Variants in MMD2 observed in about 807,000 individuals in gnomAD.
MMD2 encodes the protein monocyte to macrophage differentiation factor 2.
MMD2 carries 30 observed loss-of-function variants against 33.5 expected under a neutral mutation model. The observed-to-expected ratio is 0.90, with a 90% CI of 0.67 to 1.22. The LOEUF (loss-of-function observed/expected upper bound fraction) is 1.22, where lower values mean the gene tolerates loss of function less well. Among genes scored for constraint, MMD2 ranks in the 50% most tolerant of loss-of-function variants. MMD2 has a pLI of 0.00. For synonymous variants in MMD2, 129 were observed against 123.0 expected, an observed-to-expected ratio of 1.05 and a Z score of -0.32; for missense variants, 364 against 325.4, an observed-to-expected ratio of 1.12 and a Z score of -0.91.
intron 1 of MMD2, among the ~76,000 whole-genome samples, chr7:4,943,665 A>T (rs1785974575): frequency 6.6e-6 from 1 of 152,158 alleles, no homozygotes; most frequent in African/African-American, 2.4e-5. Flanking sequence ...TGGCTGTGCA[A>T]CCCAGGAAAT....
intron 1 of MMD2, among the ~76,000 whole-genome samples, chr7:4,945,185 T>TCCTCCTTCTTCTTC: frequency 1.1e-5 from 1 of 93,540 alleles, no homozygotes; most frequent in South Asian, 5.2e-4. Flanking sequence ...CCTCTTCCTC[T>TCCTCCTTCTTCTTC]TTCTTCTTCT....
At chr7:4,945,024 C>CCCTCTA (rs1257643053) in intron 1 of MMD2, among the ~76,000 whole-genome samples, 1 of 150,694 alleles carries the variant, frequency 6.6e-6, no homozygotes, top group Non-Finnish European at 1.5e-5. Flanking sequence ...CTCTCCCTCT[C>CCCTCTA]CCTCTCCCTC....
At chr7:4,928,696 G>A (rs953345227) in intron 1 of MMD2, among the ~76,000 whole-genome samples, 1 of 148,400 alleles carries the variant, frequency 6.7e-6, no homozygotes, top group Non-Finnish European at 1.5e-5. Context: ...CATGAAAAGT[G>A]CAGCTCATGG....
chr7:4,907,638 GC>G (rs749517120), intron 6 of MMD2, 39 bp from the exon 7 acceptor site: 2 of 1,602,808 alleles, frequency 1.2e-6, no homozygotes, highest in African/African-American at 2.7e-5. Flanking sequence ...GGTCAGAGGG[GC>G]AGTCAGTGTG....
the MMD2 span, among the ~76,000 whole-genome samples, chr7:4,899,250 C>A: frequency 1.3e-5 from 2 of 152,102 alleles, no homozygotes; most frequent in Non-Finnish European, 2.9e-5. Flanking sequence ...TGTTTATAAT[C>A]CACCCAGTCT....
downstream of MMD2, among the ~76,000 whole-genome samples, chr7:4,902,531 A>G (rs926000047): frequency 5.3e-5 from 8 of 152,212 alleles, no homozygotes; most frequent in African/African-American, 1.9e-4. Context: ...GACAGCATCT[A>G]GAAACCACCA....
At chr7:4,933,659 G>A (rs1028045244) in intron 1 of MMD2, among the ~76,000 whole-genome samples, 1 of 149,750 alleles carries the variant, frequency 6.7e-6, no homozygotes, top group East Asian at 2.0e-4. Flanking sequence ...TTTTTTTTTA[G>A]ATAGGGTCTA....
intron 1 of MMD2, among the ~76,000 whole-genome samples, chr7:4,945,635 C>T (rs12536214): frequency 0.056 from 8,520 of 151,882 alleles, 352 homozygotes; most frequent in Admixed American, 0.11. Flanking sequence ...CATGCAGTGG[C>T]GCAATCTTGG....
chr7:4,928,095 C>G (rs1321073359), intron 1 of MMD2, among the ~76,000 whole-genome samples: 1 of 152,168 alleles, frequency 6.6e-6, no homozygotes, highest in Non-Finnish European at 1.5e-5. Context: ...TGTCTTCGGC[C>G]CACACAGGCT....
intron 3 of MMD2, among the ~76,000 whole-genome samples, chr7:4,917,024 T>C (rs1785159427): frequency 1.3e-5 from 2 of 151,990 alleles, no homozygotes; most frequent in Non-Finnish European, 1.5e-5. Flanking sequence ...GTGAGCCATG[T>C]TTGTGCCACT....
chr7:4,958,428 T>C (rs985086041), intron 1 of MMD2, among the ~76,000 whole-genome samples: 3 of 152,068 alleles, frequency 2.0e-5, no homozygotes, highest in Non-Finnish European at 2.9e-5. Flanking sequence ...GTTCACACTA[T>C]GAAAAGACCA....
chr7:4,915,577 T>C (rs1207876318), intron 4 of MMD2, among the ~76,000 whole-genome samples: 2 of 151,722 alleles, frequency 1.3e-5, no homozygotes, highest in Non-Finnish European at 2.9e-5. Context: ...CCGTCTCTAC[T>C]AAAAATACAA....
the MMD2 span, among the ~76,000 whole-genome samples, chr7:4,896,007 C>T: frequency 6.6e-6 from 1 of 152,032 alleles, no homozygotes; most frequent in Non-Finnish European, 1.5e-5. Flanking sequence ...AAGCCTAGTG[C>T]TTCCCCACAT....
intron 1 of MMD2, among the ~76,000 whole-genome samples, chr7:4,943,649 C>T (rs1785974361): frequency 6.6e-6 from 1 of 152,112 alleles, no homozygotes; most frequent in African/African-American, 2.4e-5. Context: ...CCCTGCAGTC[C>T]AGCCCTGGCT....
At chr7:4,912,286 C>T (rs1018861340) in intron 4 of MMD2, among the ~76,000 whole-genome samples, 13 of 151,738 alleles carry the variant, frequency 8.6e-5, no homozygotes, top group African/African-American at 1.9e-4. Flanking sequence ...TGGCCGGGCG[C>T]GGTGGCTCAC....
chr7:4,895,807 T>C, the MMD2 span, among the ~76,000 whole-genome samples: 1 of 151,938 alleles, frequency 6.6e-6, no homozygotes, highest in African/African-American at 2.4e-5. Context: ...GTGCTGGGAT[T>C]ACAGGCGTGA....
rs1372956958 is a variant in MMD2, at chr7:4,915,986, G to A, written c.365+19C>T. On this transcript the variant is annotated intron_variant, in intron 4 of 6. Coordinates refer to ENST00000401401, the MANE Select transcript of MMD2 (RefSeq NM_198403.4). ...AGAAAGGCCGCCAAGGGTTTGCTGG[G>A]CGGCGGGACGGTACTCACCAGGGTG... 1.9e-6 allele frequency: 3 copies of A among 1,612,584 alleles called. No individual in the cohort carries two copies. Among genetic ancestry groups the A allele is most frequent in the Non-Finnish European group, 2.5e-6 (3 of 1,179,030 alleles).
chr7:4,958,800 G>A (rs1398987951), intron 1 of MMD2, among the ~76,000 whole-genome samples, 171 bp downstream of exon 1: 1 of 152,170 alleles, frequency 6.6e-6, no homozygotes, highest in South Asian at 2.1e-4. Flanking sequence ...CTCCATCCCA[G>A]CGAGAAGACG....
the MMD2 span, among the ~76,000 whole-genome samples, chr7:4,893,020 T>C: frequency 1.3e-5 from 2 of 152,166 alleles, no homozygotes; most frequent in East Asian, 1.9e-4. Context: ...AGCTGACTAA[T>C]TGCGGTTTCT....
Sources: allele counts gnomAD v4.1 joint callset (sites outside exome capture counted in the v4.1 genomes callset), GRCh38; gene constraint gnomAD v4.1.1; transcripts MANE v1.5; gene names NCBI Gene and HGNC (gene_info 2026-07-23, HGNC 2026-07-21).